The following IMMP2L variants were observed in gnomAD, a reference collection of about 807,000 sequenced individuals.
The protein encoded by IMMP2L is mitochondrial inner membrane protease subunit 2.
In IMMP2L, 18 loss-of-function variants were observed where a neutral mutation model predicts 19.3. The ratio of observed to expected loss-of-function variants is 0.93; its 90% CI spans 0.64 to 1.38. The LOEUF (loss-of-function observed/expected upper bound fraction) is 1.38, where lower values mean the gene tolerates loss of function less well. Among genes scored for constraint, IMMP2L ranks in the 40% most tolerant of loss-of-function variants. IMMP2L has a pLI of 0.00. For synonymous variants in IMMP2L, 76 were observed against 73.0 expected (o/e 1.04, Z -0.21); for missense variants, 233 against 218.2 (o/e 1.07, Z -0.43).
intron 3 of IMMP2L, among the ~76,000 whole-genome samples, chr7:111,471,401 T>C (rs2132109248): frequency 6.6e-6 from 1 of 152,152 alleles, no homozygotes; most frequent in Admixed American, 6.6e-5. Context: ...ATTTGATTCA[T>C]GGGTATAGAT....
chr7:111,278,561 A>G (rs920624165), intron 3 of IMMP2L, among the ~76,000 whole-genome samples: 1 of 152,192 alleles, frequency 6.6e-6, no homozygotes, highest in Admixed American at 6.6e-5. Context: ...CTACACATAT[A>G]CAGACACATC....
At chr7:111,361,991 T>G (rs112719216) in intron 3 of IMMP2L, among the ~76,000 whole-genome samples, 4 of 152,240 alleles carry the variant, frequency 2.6e-5, no homozygotes, top group African/African-American at 9.6e-5. Context: ...TGTAAAAATT[T>G]TCATCATGAA....
At chr7:111,439,827 T>A (rs1430440228) in intron 3 of IMMP2L, among the ~76,000 whole-genome samples, 1 of 151,958 alleles carries the variant, frequency 6.6e-6, no homozygotes, top group Non-Finnish European at 1.5e-5. Context: ...CAGTAAAACT[T>A]CTTTCAAAAT....
intron 5 of IMMP2L, among the ~76,000 whole-genome samples, chr7:110,741,496 C>T (rs943713784): frequency 4.6e-5 from 7 of 152,064 alleles, no homozygotes; most frequent in African/African-American, 1.7e-4. Context: ...TCCCTTTTTG[C>T]CCTTTTTCCA....
chr7:111,208,892 A>G (rs1407232432), intron 3 of IMMP2L, among the ~76,000 whole-genome samples: 1 of 152,204 alleles, frequency 6.6e-6, no homozygotes, highest in African/African-American at 2.4e-5. Context: ...AAAATTAGCT[A>G]TCTCAAAGAA....
chr7:111,445,859 G>T (rs1030609420), intron 3 of IMMP2L, among the ~76,000 whole-genome samples: 3 of 152,148 alleles, frequency 2.0e-5, no homozygotes, highest in Non-Finnish European at 4.4e-5. Flanking sequence ...CGCACCGTGC[G>T]TGAGCCGAAG....
At chr7:111,069,254 C>G (rs1410627320) in intron 3 of IMMP2L, among the ~76,000 whole-genome samples, 1 of 152,104 alleles carries the variant, frequency 6.6e-6, no homozygotes, top group African/African-American at 2.4e-5. Flanking sequence ...TGAGAAGGAC[C>G]ACTTTGATCA....
At chr7:111,292,828 C>T (rs1016987873) in intron 3 of IMMP2L, among the ~76,000 whole-genome samples, 3 of 151,860 alleles carry the variant, frequency 2.0e-5, no homozygotes, top group Non-Finnish European at 2.9e-5. Flanking sequence ...CAGAGTGATA[C>T]GTGCTCTGCA....
intron 3 of IMMP2L, among the ~76,000 whole-genome samples, chr7:111,358,648 C>G (rs1291426319): frequency 6.6e-6 from 1 of 152,090 alleles, no homozygotes; most frequent in Non-Finnish European, 1.5e-5. Flanking sequence ...CAACCCCACC[C>G]CCAAAAGAAT....
chr7:111,161,565 G>A (rs539614208), intron 3 of IMMP2L, among the ~76,000 whole-genome samples: 125 of 151,860 alleles, frequency 8.2e-4, no homozygotes, highest in African/African-American at 3.0e-3. Flanking sequence ...ATCAGGAAAC[G>A]AAAAAGATAC....
intron 3 of IMMP2L, among the ~76,000 whole-genome samples, chr7:111,178,632 C>T (rs1807349932): frequency 6.6e-6 from 1 of 152,088 alleles, no homozygotes; most frequent in Admixed American, 6.6e-5. Context: ...TTTGTTGTCA[C>T]TTCAGCAGTG....
intron 3 of IMMP2L, among the ~76,000 whole-genome samples, chr7:111,061,170 A>G (rs1793981862): frequency 6.6e-6 from 1 of 152,210 alleles, no homozygotes; most frequent in Non-Finnish European, 1.5e-5. Flanking sequence ...AAAACCAAGT[A>G]AGATTTCAGT....
At chr7:111,427,900 T>A (rs765360069) in intron 3 of IMMP2L, among the ~76,000 whole-genome samples, 6 of 151,848 alleles carry the variant, frequency 4.0e-5, no homozygotes, top group Non-Finnish European at 7.4e-5. Context: ...TTTCTTCCCA[T>A]GAAACACATT....
intron 3 of IMMP2L, among the ~76,000 whole-genome samples, chr7:111,273,141 G>T (rs1374407875): frequency 6.6e-6 from 1 of 152,016 alleles, no homozygotes; most frequent in Non-Finnish European, 1.5e-5. Context: ...ACTGGGCATG[G>T]TGGCGGGCAT....
chr7:111,556,015 C>CTATAT (rs1563354066), intron 1 of IMMP2L, among the ~76,000 whole-genome samples: 1 of 13,314 alleles, frequency 7.5e-5, no homozygotes, highest in Non-Finnish European at 5.1e-4. Flanking sequence ...CTTCTGTGTG[C>CTATAT]ATGTATATAT....
intron 4 of IMMP2L, among the ~76,000 whole-genome samples, chr7:110,958,998 G>C (rs1818655198): frequency 6.6e-6 from 1 of 151,958 alleles, no homozygotes; most frequent in Admixed American, 6.6e-5. Flanking sequence ...GTACCCTTAA[G>C]TGCTCTTTAA....
At chr7:110,975,620 A>T (rs946887407) in intron 3 of IMMP2L, among the ~76,000 whole-genome samples, 1 of 152,120 alleles carries the variant, frequency 6.6e-6, no homozygotes, top group Admixed American at 6.6e-5. Context: ...CAGCTTCTAG[A>T]TGTTTTAGTG....
intron 3 of IMMP2L, among the ~76,000 whole-genome samples, chr7:111,057,647 G>A (rs1187225846): frequency 2.6e-5 from 4 of 152,156 alleles, no homozygotes; most frequent in Non-Finnish European, 5.9e-5. Context: ...AGTGACACTA[G>A]TACTCTCAAA....
intron 4 of IMMP2L, among the ~76,000 whole-genome samples, chr7:110,922,775 A>C (rs774935731): frequency 5.3e-5 from 8 of 152,158 alleles, no homozygotes; most frequent in Non-Finnish European, 1.2e-4. Flanking sequence ...TATGAGGCTG[A>C]TGTTGCTTCA....
Sources: allele counts gnomAD v4.1 joint callset (sites outside exome capture counted in the v4.1 genomes callset), GRCh38; gene constraint gnomAD v4.1.1; transcripts MANE v1.5; gene names NCBI Gene and HGNC (gene_info 2026-07-23, HGNC 2026-07-21).